RIPK1: variants seen among roughly 807,000 people sequenced by gnomAD.
RIPK1 encodes receptor-interacting serine/threonine-protein kinase 1.
Under a neutral mutation model 62.4 loss-of-function variants are expected in RIPK1, and 27 were observed. The observed-to-expected ratio is 0.43, with a 90% CI of 0.32 to 0.60. The LOEUF (loss-of-function observed/expected upper bound fraction) is 0.60, where lower values mean the gene tolerates loss of function less well. Among genes scored for constraint, RIPK1 ranks in the 20% least tolerant of loss-of-function variants. RIPK1 has a pLI of 0.07. For synonymous variants in RIPK1, 287 were observed against 303.2 expected, an observed-to-expected ratio of 0.95 and a Z score of 0.55; for missense variants, 735 against 831.0, an observed-to-expected ratio of 0.88 and a Z score of 1.42.
chr6:3,086,006 G>C (rs922536457), intron 6 of RIPK1, among the ~76,000 whole-genome samples: 1 of 152,206 alleles, frequency 6.6e-6, no homozygotes. Flanking sequence ...TGGGCACTTA[G>C]GTGGCTTTGA....
At chr6:3,090,193 C>A (rs754390701) in intron 7 of RIPK1, among the ~76,000 whole-genome samples, 16 of 152,118 alleles carry the variant, frequency 1.1e-4, no homozygotes, top group Non-Finnish European at 2.4e-4. Flanking sequence ...ATGGCAGCAG[C>A]ATCTGCCCAA....
chr6:3,098,893 C>T (rs1760457409), intron 7 of RIPK1, among the ~76,000 whole-genome samples: 2 of 152,226 alleles, frequency 1.3e-5, no homozygotes, highest in Non-Finnish European at 2.9e-5. Flanking sequence ...TCAGGCTTGT[C>T]CCACGTCAGA....
chr6:3,100,150 A>T (rs1430354096), intron 7 of RIPK1, among the ~76,000 whole-genome samples: 2 of 152,172 alleles, frequency 1.3e-5, no homozygotes, highest in Non-Finnish European at 2.9e-5. Context: ...GGCCTGGTGC[A>T]GTGGCTCATG....
intron 2 of RIPK1, among the ~76,000 whole-genome samples, chr6:3,077,256 G>A (rs1419133969): frequency 6.6e-6 from 1 of 152,102 alleles, no homozygotes; most frequent in African/African-American, 2.4e-5. Context: ...GTGTGGTGGG[G>A]GGACAATGAA....
intron 1 of RIPK1, among the ~76,000 whole-genome samples, 181 bp from the exon 2 acceptor site, chr6:3,076,583 G>GGGA (rs781299423): frequency 6.6e-6 from 1 of 151,638 alleles, no homozygotes; most frequent in Non-Finnish European, 1.5e-5. Flanking sequence ...AGGAGGCTGA[G>GGGA]GGAGGAGGAT....
chr6:3,113,653 A>C lies in RIPK1; in HGVS notation c.*314A>C, dbSNP rs1180332305. The stretch of plus-strand genomic sequence containing the variant: ...AATCCGCTCTGAGGAAAGCGTAAGC[A>C]GGAAGACCTCTTAATGGCATAGCAC... On this transcript the variant is annotated 3_prime_UTR_variant, in exon 11 of 11. Coordinates refer to ENST00000259808, the MANE Select transcript of RIPK1 (RefSeq NM_001354930.2). This position sits in a 1 kb window ranked among gnomAD's most constrained non-coding sequence, Gnocchi z 5.0. 3.6e-6 allele frequency: 1 copy of C among 278,516 alleles called. No individual in the cohort carries two copies. Among genetic ancestry groups the C allele is most frequent in the Admixed American group, 4.7e-5 (1 of 21,424 alleles). 17.3% of individuals were successfully genotyped at this position (278,516 alleles called of 1,614,324 possible).
rs763313067 is a variant in RIPK1 at position 3,076,973 on chromosome 6, G to A, written c.150G>A (p.Gly50=). ...TGATCATGAAAACAGTGTACAAGGG[G>A]CCCAACTGCATTGAGTGAGTAGGGA... is the stretch of plus-strand genomic sequence containing the variant. ...GLMIMKTVYK[G]PNCIEHNEAL... Residue 50 remains glycine, a synonymous_variant, in exon 2 of 11, where the codon GGG becomes GGA. Coordinates refer to ENST00000259808, the MANE Select transcript of RIPK1 (RefSeq NM_001354930.2). The A allele has an allele frequency of 3.1e-5, 48 of 1,558,988 alleles. No homozygotes were observed. Among genetic ancestry groups the A allele is most frequent in the Non-Finnish European group, 4.0e-5 (46 of 1,147,734 alleles).
chr6:3,068,576 T>TG lies in RIPK1; in HGVS notation c.-142dup, dbSNP rs1216796010. 4.8e-5 allele frequency: 47 copies of TG among 985,046 alleles called. No individual in the cohort carries two copies. Among genetic ancestry groups the TG allele is most frequent in the Admixed American group, 6.2e-5 (1 of 16,246 alleles). The allele number at this position is 985,046 out of a possible 1,614,324, so 61.0% of individuals were successfully genotyped here. A position where few individuals can be genotyped will look rare whatever the true frequency, so the allele number is the denominator to read the frequency against. On this transcript the variant is annotated 5_prime_UTR_variant, in exon 1 of 11. Transcript: ENST00000259808. The stretch of plus-strand genomic sequence containing the variant: ...GCGGCGACTCCAGGGGACCCACAGC[T>TG]GGGGCGCCAGAGCGCGGCCATCCGG...
chr6:3,074,328 G>A (rs905774736), intron 1 of RIPK1, among the ~76,000 whole-genome samples: 4 of 152,168 alleles, frequency 2.6e-5, no homozygotes, highest in Non-Finnish European at 1.5e-5. Flanking sequence ...CACTTATCAC[G>A]TTTTTGCATT....
At chr6:3,098,889 T>C (rs1760456963) in intron 7 of RIPK1, among the ~76,000 whole-genome samples, 1 of 152,210 alleles carries the variant, frequency 6.6e-6, no homozygotes, top group Admixed American at 6.5e-5. Context: ...CCCCTCAGGC[T>C]TGTCCCACGT....
intron 6 of RIPK1, among the ~76,000 whole-genome samples, chr6:3,086,010 G>A (rs1026551052): frequency 6.6e-6 from 1 of 152,206 alleles, no homozygotes; most frequent in African/African-American, 2.4e-5. Context: ...CACTTAGGTG[G>A]CTTTGACCAG....
In RIPK1 at chr6:3,072,994, C is replaced by T. The variant is rs1758815584; in HGVS notation, c.-60-3770C>T. Among the ~76,000 whole-genome samples the T allele has an allele frequency of 6.6e-6, 1 of 152,150 alleles. No homozygotes were observed. The highest frequency in any genetic ancestry group is 2.4e-5 in the African/African-American group (1 of 41,422). On this transcript the variant is annotated intron_variant, in intron 1 of 10. Coordinates refer to ENST00000259808, the MANE Select transcript of RIPK1 (RefSeq NM_001354930.2). This position sits in a 1 kb window ranked among gnomAD's most constrained non-coding sequence, Gnocchi z 5.6. ...GATCCCAGCTGAGAATGTTGGCATT[C>T]TCAAAGCCCAAGGAAACAACACCCG...
chr6:3,107,192 C>T (rs1250609035), intron 9 of RIPK1, among the ~76,000 whole-genome samples: 1 of 150,808 alleles, frequency 6.6e-6, no homozygotes, highest in Non-Finnish European at 1.5e-5. Flanking sequence ...ACAGACGTTG[C>T]AGTGAGCTGA....
Position 3,081,171 on chromosome 6 carries a change from C to G in RIPK1, c.459+55C>G, listed in dbSNP as rs1581392773. 4.4e-6 allele frequency: 7 copies of G among 1,587,552 alleles called. 1 individual carries two copies. The South Asian group carries it at 6.7e-5, about 15-fold the overall frequency. On this transcript the variant is annotated intron_variant, in intron 4 of 10. Transcript: ENST00000259808. ...GTTGGGTGATTTTAGTTTTAATTCT[C>G]CAATGTAAATCCATTCTCGTACATT...
rs372244053 is a variant in RIPK1, at chr6:3,110,917, T to G, written c.1691T>G (p.Phe564Cys). The part of the protein sequence containing the change: ...SSLLDSTNTN[F>C]KEEPAAKYQA... ...CTACTAGACAGCACAAATACGAACT[T>G]CAAAGAAGAGCCAGCTGCTAAGTAC... The change falls in exon 10 of 11, where the codon TTC becomes TGC. Residue 564 changes from phenylalanine to cysteine, a missense_variant. Around this residue, in one of 2 missense-constraint regions of RIPK1, gnomAD observed 671 missense variants for 726.2 expected, o/e 0.92. Coordinates refer to ENST00000259808, the MANE Select transcript of RIPK1 (RefSeq NM_001354930.2). 5.0e-5 allele frequency: 81 copies of G among 1,613,394 alleles called. No homozygotes were observed. Among genetic ancestry groups the G allele is most frequent in the Non-Finnish European group, 6.3e-5 (74 of 1,179,724 alleles).
chr6:3,089,761 T>C (rs1204926931), intron 7 of RIPK1, 104 bp downstream of exon 7: 3 of 719,842 alleles, frequency 4.2e-6, no homozygotes, highest in African/African-American at 3.5e-5. Flanking sequence ...TGAGGTAAGC[T>C]AGCTTGGTAA....
At position 3,085,352 on chromosome 6, in the gene RIPK1, T is replaced by A; in HGVS notation, c.782T>A (p.Ile261Asn). ...DITEYCPREI[I>N]SLMKLCWEAN... ...ACTGAGTACTGCCCAAGAGAAATTA[T>A]CAGTCTCATGAAGCTCTGCTGGGAA... Residue 261 changes from isoleucine (I) to asparagine (N), a missense_variant, in exon 6 of 11, where the codon ATC becomes AAC. Transcript: ENST00000259808. 6.2e-7 allele frequency: 1 copy of A among 1,614,216 alleles called. No individual in the cohort carries two copies. Among genetic ancestry groups the A allele is most frequent in the South Asian group, 1.1e-5 (1 of 91,078 alleles).
chr6:3,065,778 C>T (rs1758352941), upstream of RIPK1, among the ~76,000 whole-genome samples: 1 of 152,194 alleles, frequency 6.6e-6, no homozygotes, highest in African/African-American at 2.4e-5. Context: ...CTGTTTCTTG[C>T]CTTTTCCATT....
At chr6:3,069,586 C>T (rs1207617890) in intron 1 of RIPK1, among the ~76,000 whole-genome samples, 1 of 152,212 alleles carries the variant, frequency 6.6e-6, no homozygotes, top group Non-Finnish European at 1.5e-5. Context: ...ATGATTAATT[C>T]TTCCCTGACT....
Sources: gnomAD v4.1 joint callset for allele counts (sites outside exome capture counted in the v4.1 genomes callset) on GRCh38, gnomAD v4.1.1 for gene constraint, gnomAD v4.1.1 regional missense constraint, Gnocchi (gnomAD v3.1) non-coding constraint, MANE v1.5 for transcripts, NCBI Gene and HGNC (gene_info 2026-07-23, HGNC 2026-07-21) for gene names.